AKAP7: variants seen among roughly 807,000 people sequenced by gnomAD.
The protein encoded by AKAP7 is A kinase (PRKA) anchor protein 7.
A neutral mutation model predicts 39.5 loss-of-function variants in AKAP7; 39 were observed. The ratio of observed to expected loss-of-function variants is 0.99; its 90% confidence interval spans 0.76 to 1.29. AKAP7 has a LOEUF of 1.29. Ranked by LOEUF, AKAP7 falls within the 50% of genes most tolerant of loss-of-function variation. AKAP7 has a pLI of 0.00. For missense variants in AKAP7, 414 were observed against 407.7 expected, an observed-to-expected ratio of 1.02 and a Z score of -0.13; for synonymous variants, 140 against 139.1, an observed-to-expected ratio of 1.01 and a Z score of -0.05.
upstream of AKAP7, among the ~76,000 whole-genome samples, chr6:131,132,260 C>A (rs1391263934): frequency 3.3e-5 from 5 of 151,328 alleles, no homozygotes; most frequent in Admixed American, 1.3e-4. Context: ...TTGCAGTGAG[C>A]CGAGATTGCG....
At chr6:131,176,645 A>G (rs1192855114) in intron 5 of AKAP7, among the ~76,000 whole-genome samples, 1 of 152,180 alleles carries the variant, frequency 6.6e-6, no homozygotes, top group East Asian at 1.9e-4. Flanking sequence ...GGTTTTTAGA[A>G]TGTTCATTTG....
At chr6:131,273,475 T>C (rs2128336293) in intron 7 of AKAP7, among the ~76,000 whole-genome samples, 1 of 152,340 alleles carries the variant, frequency 6.6e-6, no homozygotes, top group South Asian at 2.1e-4. Flanking sequence ...ATTGGCTTAT[T>C]TGCTGTGCCT....
intron 5 of AKAP7, chr6:131,185,405 T>A (rs1805743867): frequency 5.9e-6 from 3 of 512,696 alleles, no homozygotes; most frequent in South Asian, 5.4e-5. Flanking sequence ...GAGGTGGGCA[T>A]TGTAATTGTG....
intron 7 of AKAP7, among the ~76,000 whole-genome samples, chr6:131,252,544 A>G (rs2128320196): frequency 6.6e-6 from 1 of 152,334 alleles, no homozygotes; most frequent in East Asian, 1.9e-4. Flanking sequence ...TCTCTGGTAC[A>G]GGATGGTCTA....
chr6:131,234,665 A>G (rs944514274), intron 7 of AKAP7, among the ~76,000 whole-genome samples: 2 of 146,090 alleles, frequency 1.4e-5, no homozygotes, highest in African/African-American at 2.5e-5. Flanking sequence ...TTTTATTTCT[A>G]TATGTTAACC....
chr6:131,209,075 A>G (rs1051123354), intron 6 of AKAP7, among the ~76,000 whole-genome samples: 3 of 152,240 alleles, frequency 2.0e-5, no homozygotes, highest in African/African-American at 7.2e-5. Flanking sequence ...TTTCCCAACC[A>G]GACCAGCAAG....
At chr6:131,225,794 TTGGTTCATTTTTAG>T (rs1810110933) in intron 7 of AKAP7, among the ~76,000 whole-genome samples, 2 of 152,188 alleles carry the variant, frequency 1.3e-5, no homozygotes, top group Admixed American at 1.3e-4. Context: ...TATCCATTAA[TTGGTTCATTTTTAG>T]TGCACATGAA....
chr6:131,135,833 G>A (rs1800487158), intron 1 of AKAP7, 51 bp downstream of exon 1: 2 of 1,226,248 alleles, frequency 1.6e-6, no homozygotes, highest in Admixed American at 8.5e-5. Flanking sequence ...GGAGCCGCGG[G>A]GGCCTGGGCC....
intron 2 of AKAP7, among the ~76,000 whole-genome samples, chr6:131,159,082 A>G (rs985642433): frequency 5.7e-5 from 7 of 122,452 alleles, no homozygotes; most frequent in Non-Finnish European, 1.0e-4. Flanking sequence ...GGATCAGTTT[A>G]TTTTATTTTA....
chr6:131,257,157 A>G (rs1812931571), intron 7 of AKAP7, among the ~76,000 whole-genome samples: 1 of 152,176 alleles, frequency 6.6e-6, no homozygotes, highest in South Asian at 2.1e-4. Context: ...TGTGCTTGGC[A>G]TATAATAGAC....
chr6:131,135,241 G>A (rs987452603), upstream of AKAP7, among the ~76,000 whole-genome samples: 4 of 152,244 alleles, frequency 2.6e-5, no homozygotes, highest in African/African-American at 7.2e-5. Context: ...TGAAAGCGTG[G>A]GAGGGGCAAG....
At chr6:131,276,333 C>T (rs772414995) in intron 7 of AKAP7, among the ~76,000 whole-genome samples, 24 of 151,892 alleles carry the variant, frequency 1.6e-4, no homozygotes, top group Non-Finnish European at 2.6e-4. Context: ...AACTCTGTTT[C>T]CTGGGGTACT....
rs193139457 is a variant in AKAP7, at chr6:131,235,009, A to G, written c.850+15201A>G. Among the ~76,000 whole-genome samples the G allele has an allele frequency of 2.8e-3, 423 of 151,046 alleles. 2 individuals carry two copies. The highest frequency in any genetic ancestry group is 9.9e-3 in the African/African-American group (408 of 41,054). On this transcript the variant is annotated intron_variant, in intron 7 of 7. Coordinates refer to ENST00000431975, the MANE Select transcript of AKAP7 (RefSeq NM_016377.4). The stretch of plus-strand genomic sequence containing the variant: ...CAATGCTGGTGTGCTGCACCCATTA[A>G]CTCTTCATTTAACATTAGGTATATC...
chr6:131,233,987 A>G (rs1052503646), intron 7 of AKAP7, among the ~76,000 whole-genome samples: 10 of 152,206 alleles, frequency 6.6e-5, no homozygotes, highest in Admixed American at 1.3e-4. Flanking sequence ...CTCTTAAAAT[A>G]TGAATGGGGG....
intron 7 of AKAP7, among the ~76,000 whole-genome samples, chr6:131,248,390 G>A (rs1002056548): frequency 3.9e-5 from 6 of 152,150 alleles, no homozygotes; most frequent in African/African-American, 1.4e-4. Context: ...ACTGATGCTG[G>A]TGATTGGGAA....
At position 131,279,201 on chromosome 6, in the gene AKAP7, T is replaced by A. The variant is rs553230404; in HGVS notation, c.851-2329T>A. On this transcript the variant is annotated intron_variant, in intron 7 of 7. Coordinates refer to ENST00000431975, the MANE Select transcript of AKAP7 (RefSeq NM_016377.4). ...GCATCAAAGATGGCTACAATCTCGT[T>A]TTGAGCTTGACTGCCTCGAATAATA... is the stretch of plus-strand genomic sequence containing the variant. Among the ~76,000 whole-genome samples the A allele has an allele frequency of 4.6e-5, 7 of 152,322 alleles. No individual in the cohort carries two copies. The East Asian group carries it at 1.3e-3, about 29-fold the overall frequency.
intron 7 of AKAP7, among the ~76,000 whole-genome samples, chr6:131,265,539 A>T (rs950394967): frequency 6.6e-6 from 1 of 152,176 alleles, no homozygotes; most frequent in African/African-American, 2.4e-5. Flanking sequence ...GATACTGAGG[A>T]GGGAGTTGGG....
At chr6:131,184,515 A>G in intron 5 of AKAP7, 1 of 696,566 alleles carries the variant, frequency 1.4e-6, no homozygotes, top group Non-Finnish European at 2.7e-6. Flanking sequence ...ATATCGCAAC[A>G]TTTGTGCTCG....
rs146079556 is a variant in AKAP7, at chr6:131,177,663, G to A, written c.589+8390G>A. Among the ~76,000 whole-genome samples the A allele has an allele frequency of 3.8e-3, 582 of 152,296 alleles. 4 individuals are homozygous for A. The highest frequency in any genetic ancestry group is 0.014 in the African/African-American group (563 of 41,568). On this transcript the variant is annotated intron_variant, in intron 5 of 7. Transcript: ENST00000431975. ...AAAAACCACATCCAAACAGTAGGAA[G>A]ACCATTGTCATCACTCCCATTTGGC...
Sources: gnomAD v4.1 joint callset for allele counts (sites outside exome capture counted in the v4.1 genomes callset) on GRCh38, gnomAD v4.1.1 for gene constraint, MANE v1.5 for transcripts, NCBI Gene and HGNC (gene_info 2026-07-23, HGNC 2026-07-21) for gene names.